The following TRIM64C variants were observed in gnomAD, a reference collection of about 807,000 sequenced individuals.
TRIM64C encodes the protein tripartite motif-containing protein 64C.
A neutral mutation model predicts 36.1 loss-of-function variants in TRIM64C; 25 were observed. The observed-to-expected ratio is 0.69, with a 90% confidence interval of 0.51 to 0.97. The LOEUF (loss-of-function observed/expected upper bound fraction) is 0.97. Ranked by LOEUF, TRIM64C falls within the 50% of genes least tolerant of loss-of-function variation. TRIM64C has a pLI of 0.00. For synonymous variants in TRIM64C, 212 were observed against 185.7 expected, an observed-to-expected ratio of 1.14 and a Z score of -1.15; for missense variants, 489 against 536.8, an observed-to-expected ratio of 0.91 and a Z score of 0.88.
chr11:49,057,005 G>T lies in TRIM64C; in HGVS notation c.738+143C>A, dbSNP rs1471604904. On this transcript the variant is annotated intron_variant, in intron 3 of 5. Transcript: ENST00000617704. Reference sequence around the variant, plus strand: ...ATTACCAAAGTATGCAGTAATAAATGACTGGAAAAATGTAATGGTGGAAGT... The same window carrying T: ...ATTACCAAAGTATGCAGTAATAAATTACTGGAAAAATGTAATGGTGGAAGT... 3.3e-6 allele frequency: 4 copies of T among 1,203,010 alleles called. No individual in the cohort carries two copies. In the East Asian group the frequency reaches 7.6e-5, roughly 23 times the overall value. 74.5% of individuals were successfully genotyped at this position (1,203,010 alleles called of 1,614,324 possible).
chr11:49,058,158 C>T lies in TRIM64C; in HGVS notation c.427G>A (p.Glu143Lys). Reference protein sequence around the residue: ...EECRVQKLIKEMDYLWKINQE... With the variant: ...EECRVQKLIKKMDYLWKINQE... ...TTGATTTTCCATAAATAGTCCATTT[C>T]CTTTATAAGTTTCTCTTGCAAAAGA... The change falls in exon 2 of 6, where the codon GAA becomes AAA. Residue 143 changes from glutamate (E) to lysine (K), a missense_variant. Glu to Lys is a moderately conservative substitution (Grantham distance 56). Coordinates refer to ENST00000617704, the MANE Select transcript of TRIM64C (RefSeq NM_001206631.1). The T allele has an allele frequency of 6.6e-7, 1 of 1,526,432 alleles. No homozygotes were observed. The highest frequency in any genetic ancestry group is 8.8e-7 in the Non-Finnish European group (1 of 1,141,880). The allele number at this position is 1,526,432 out of a possible 1,614,324, so 94.6% of individuals were successfully genotyped here. A position where few individuals can be genotyped will look rare whatever the true frequency, so the allele number is the denominator to read the frequency against.
intron 5 of TRIM64C, among the ~76,000 whole-genome samples, chr11:49,054,746 C>T (rs1298743356): frequency 2.0e-5 from 3 of 152,188 alleles, no homozygotes; most frequent in Non-Finnish European, 2.9e-5. Flanking sequence ...GCCACCTAGA[C>T]TTGCTCTCTA....
rs574326954 is a variant in TRIM64C, at chr11:49,056,365, G to T, written c.755C>A (p.Ser252Ter). 1.2e-5 allele frequency: 18 copies of T among 1,541,428 alleles called. No individual in the cohort carries two copies. The African/African-American group carries it at 2.1e-4, about 18-fold the overall frequency. ...VELLQDVGNISARTDLAQMPK... is the reference protein window; with the variant it reads ...VELLQDVGNI ...TTTTTTAGTGTAAACTCACCTTGCC[G>T]ATATATTTCCCACATCCTGCAAAAA... The change falls in exon 4 of 6, where the codon TCG becomes TAG. Residue 252 changes from serine to a stop codon, truncating the protein, a stop_gained. Coordinates refer to ENST00000617704, the MANE Select transcript of TRIM64C (RefSeq NM_001206631.1). LOFTEE classifies it high-confidence loss of function.
In TRIM64C at chr11:49,053,887, G is replaced by A; in HGVS notation, c.1180C>T (p.Pro394Ser). 4 of 1,551,708 alleles carry A rather than the reference G, an allele frequency of 2.6e-6. No individual in the cohort carries two copies. Among genetic ancestry groups the A allele is most frequent in the South Asian group, 1.2e-5 (1 of 84,054 alleles). ...SNHYSLSTNS[P>S]PLIQYVQRPL... ...CTTTGCACATACTGGATTAAAGGTG[G>A]AGAATTGGTGGAGAGACTATAGTGA... Residue 394 changes from proline (P) to serine (S), a missense_variant, in exon 6 of 6, where the codon CCA (proline) becomes TCA (serine). Pro to Ser is a moderately conservative substitution (Grantham distance 74, BLOSUM62 -1). Transcript: ENST00000617704.
intron 2 of TRIM64C, 121 bp downstream of exon 2, chr11:49,057,957 C>A: frequency 1.5e-6 from 1 of 673,830 alleles, no homozygotes; most frequent in Non-Finnish European, 2.4e-6. Context: ...CAATTGAAAT[C>A]ACTACATTTT....
Position 49,054,182 on chromosome 11 carries a change from C to A in TRIM64C, c.885G>T (p.Met295Ile). The part of the protein sequence containing the change: ...FRVDNALSTE[M>I]TPCYISLSED... ...CAGAAAGGCTTATATAGCAAGGAGTCATTTCTGTACTCAGAGCATTATCCA... is the reference window on the plus strand; with the variant it reads ...CAGAAAGGCTTATATAGCAAGGAGTAATTTCTGTACTCAGAGCATTATCCA... The change falls in exon 6 of 6, where the codon ATG (methionine) becomes ATT (isoleucine). Residue 295 changes from methionine (M) to isoleucine (I), a missense_variant. Coordinates refer to ENST00000617704, the MANE Select transcript of TRIM64C (RefSeq NM_001206631.1). The A allele has an allele frequency of 1.3e-6, 2 of 1,551,484 alleles. No individual in the cohort carries two copies. Among genetic ancestry groups the A allele is most frequent in the Non-Finnish European group, 1.7e-6 (2 of 1,146,816 alleles).
Position 49,055,351 on chromosome 11 carries a change from C to T in TRIM64C, c.818G>A (p.Trp273Ter). Reference protein sequence around the residue: ...PQPVNPELTSWCITGVLDMLN... With the variant: ...PQPVNPELTS Reference sequence around the variant, plus strand: ...CATGTCTAGGACTCCAGTTATGCACCATGAAGTGAGCTCTGGGTTCACTGG... The same window carrying T: ...CATGTCTAGGACTCCAGTTATGCACTATGAAGTGAGCTCTGGGTTCACTGG... Residue 273 changes from tryptophan (W) to a stop codon, truncating the protein, a stop_gained, in exon 5 of 6, where the codon TGG (tryptophan) becomes TAG (stop). Coordinates refer to ENST00000617704, the MANE Select transcript of TRIM64C (RefSeq NM_001206631.1). LOFTEE classifies it low-confidence loss of function (END_TRUNC). 1 of 1,535,688 alleles carries T rather than the reference C, an allele frequency of 6.5e-7. No homozygotes were observed. Among genetic ancestry groups the T allele is most frequent in the East Asian group, 2.4e-5 (1 of 40,886 alleles).
chr11:49,056,481 T>C, intron 3 of TRIM64C, 100 bp from the exon 4 acceptor site: 1 of 944,344 alleles, frequency 1.1e-6, no homozygotes, highest in Non-Finnish European at 1.6e-6. Context: ...TTTAATAATG[T>C]ATATCTTTTT....
chr11:49,056,020 T>C (rs1200087556), intron 4 of TRIM64C, among the ~76,000 whole-genome samples: 2 of 90,348 alleles, frequency 2.2e-5, no homozygotes, highest in Non-Finnish European at 4.3e-5. Flanking sequence ...TCGATCTGTC[T>C]TTTTTTTTTT....
intron 4 of TRIM64C, 125 bp from the exon 5 acceptor site, chr11:49,055,532 G>A (rs1854803296): frequency 7.7e-7 from 1 of 1,302,014 alleles, no homozygotes; most frequent in Non-Finnish European, 1.1e-6. Context: ...TTAACTGGAT[G>A]TACATTTTAT....
At chr11:49,055,513 C>T (rs1346400740) in intron 4 of TRIM64C, 106 bp from the exon 5 acceptor site, 25 of 1,438,776 alleles carry the variant, frequency 1.7e-5, no homozygotes, top group South Asian at 5.0e-5. Flanking sequence ...AGAATTCTGC[C>T]GGTTTTGGTT....
Position 49,055,418 on chromosome 11 carries a change from A to AAC in TRIM64C, c.762-12_762-11insGT. The AAC allele has an allele frequency of 6.5e-7, 1 of 1,535,538 alleles. No homozygotes were observed. ...TGTGCCAAATCAGTTCTGCAAAAAAAAAATGGCCTCAGTTATATTTCCAGG... is the reference window on the plus strand; with the variant it reads ...TGTGCCAAATCAGTTCTGCAAAAAAAACAAATGGCCTCAGTTATATTTCCAGG... On this transcript the variant is annotated splice_polypyrimidine_tract_variant and intron_variant, in intron 4 of 5. Transcript: ENST00000617704.
intron 1 of TRIM64C, 130 bp from the exon 2 acceptor site, chr11:49,058,302 T>G: frequency 2.9e-6 from 2 of 698,652 alleles, no homozygotes; most frequent in Non-Finnish European, 4.5e-6. Context: ...TTTTCCAAGT[T>G]AAACAAATAT....
At position 49,055,452 on chromosome 11, in the gene TRIM64C, T is replaced by TCC. The variant is rs1273011480; in HGVS notation, c.762-46_762-45insGG. 6.5e-6 allele frequency: 10 copies of TCC among 1,531,488 alleles called. No individual in the cohort carries two copies. In the African/African-American group the frequency reaches 1.4e-4, roughly 21 times the overall value. The allele number at this position is 1,531,488 out of a possible 1,614,324, so 94.9% of individuals were successfully genotyped here. ...TCAGTTATATTTCCAGGACCAGAGC[T>TCC]AATCACACAGTCATATGAAGATATC... On this transcript the variant is annotated intron_variant, in intron 4 of 5. Transcript: ENST00000617704.
chr11:49,055,178 G>A, intron 5 of TRIM64C, 132 bp downstream of exon 5: 1 of 1,069,410 alleles, frequency 9.4e-7, no homozygotes, highest in Non-Finnish European at 1.3e-6. Flanking sequence ...AGGTAGAGAA[G>A]ATGCACATGT....
chr11:49,054,277 T>A, intron 5 of TRIM64C, 70 bp from the exon 6 acceptor site: 4 of 1,476,900 alleles, frequency 2.7e-6, no homozygotes, highest in Non-Finnish European at 3.6e-6. Flanking sequence ...AATTATTCAC[T>A]TCATTTGCTC....
At position 49,057,286 on chromosome 11, in the gene TRIM64C, T is replaced by G; in HGVS notation, c.600A>C (p.Ala200=). The change falls in exon 3 of 6, where the codon GCA becomes GCC. Residue 200 remains alanine (A), a synonymous_variant. Coordinates refer to ENST00000617704, the MANE Select transcript of TRIM64C (RefSeq NM_001206631.1). ...LDEEEQRHLQ[A]LEREAKELFQ... ...AAAGCTCTTTTGCTTCTCTTTCCAG[T>G]GCCTGCAGATGCCGTTGCTCCTCCT... 6.5e-7 allele frequency: 1 copy of G among 1,549,802 alleles called. No individual in the cohort carries two copies. Among genetic ancestry groups the G allele is most frequent in the Non-Finnish European group, 8.7e-7 (1 of 1,146,972 alleles).
chr11:49,057,832 G>A (rs766463363), intron 2 of TRIM64C: 2 of 510,806 alleles, frequency 3.9e-6, no homozygotes, highest in South Asian at 1.7e-5. Context: ...TGTCTGAAAA[G>A]GTTTATGCCA....
At chr11:49,058,277 G>C (rs1272575900) in intron 1 of TRIM64C, 105 bp from the exon 2 acceptor site, 38 of 828,822 alleles carry the variant, frequency 4.6e-5, no homozygotes, top group Middle Eastern at 7.2e-4. Context: ...TTAAGTTAGA[G>C]TGGAGTGGTC....
Sources: allele counts gnomAD v4.1 joint callset (sites outside exome capture counted in the v4.1 genomes callset), GRCh38; gene constraint gnomAD v4.1.1; transcripts MANE v1.5; gene names NCBI Gene and HGNC (gene_info 2026-07-23, HGNC 2026-07-21).